Variants in VAV3 observed in about 807,000 individuals in gnomAD.
VAV3 encodes vav guanine nucleotide exchange factor 3, also known as guanine nucleotide exchange factor VAV3.
A neutral mutation model predicts 131.2 loss-of-function variants in VAV3; 94 were observed. That is an observed-to-expected ratio of 0.72 (90% CI 0.61 to 0.85). The LOEUF (loss-of-function observed/expected upper bound fraction) is 0.85, where lower values mean the gene tolerates loss of function less well. Among genes scored for constraint, VAV3 ranks in the 40% least tolerant of loss-of-function variants. VAV3 has a pLI of 0.00. For synonymous variants in VAV3, 349 were observed against 342.0 expected (o/e 1.02, Z -0.22); for missense variants, 939 against 1,002.7 (o/e 0.94, Z 0.86).
chr1:107,581,176 A>G (rs1650022473), intron 25 of VAV3, among the ~76,000 whole-genome samples: 1 of 152,194 alleles, frequency 6.6e-6, no homozygotes, highest in Admixed American at 6.5e-5. Context: ...TCAATAGGTA[A>G]TCATTTGCAA....
At chr1:107,849,922 A>G (rs1669142861) in intron 2 of VAV3, among the ~76,000 whole-genome samples, 1 of 152,246 alleles carries the variant, frequency 6.6e-6, no homozygotes. Context: ...GGATATGAAC[A>G]GACACTTCTC....
At chr1:107,613,729 A>T (rs1370445098) in intron 21 of VAV3, among the ~76,000 whole-genome samples, 2 of 152,142 alleles carry the variant, frequency 1.3e-5, no homozygotes, top group African/African-American at 4.8e-5. Flanking sequence ...TAATGATTTC[A>T]AATTGTGAGT....
At chr1:107,760,481 G>C (rs1411713233) in intron 10 of VAV3, among the ~76,000 whole-genome samples, 2 of 152,122 alleles carry the variant, frequency 1.3e-5, no homozygotes, top group Admixed American at 1.3e-4. Flanking sequence ...AATAAATACT[G>C]ATAACTACAG....
In VAV3 at chr1:107,632,566, G is replaced by A. The variant is rs113229550; in HGVS notation, c.1914+10053C>T. 8.8e-4 allele frequency among the ~76,000 whole-genome samples: 134 copies of A among 152,230 alleles called. 1 individual carries two copies. The highest frequency in any genetic ancestry group is 1.5e-3 in the Non-Finnish European group (99 of 68,024). On this transcript the variant is annotated intron_variant, in intron 20 of 26. Coordinates refer to ENST00000370056, the MANE Select transcript of VAV3 (RefSeq NM_006113.5). ...TGATTGGCTTAGAAGTATCCATAAC[G>A]CAATTCTGACCCAAGTTACATCTGT... is the stretch of plus-strand genomic sequence containing the variant.
chr1:107,596,398 A>G (rs1281685496), intron 24 of VAV3, 57 bp from the exon 25 acceptor site: 2 of 1,585,882 alleles, frequency 1.3e-6, no homozygotes, highest in Non-Finnish European at 1.7e-6. Context: ...TCTCAAACAC[A>G]TGAACTCCTG....
chr1:107,708,802 A>T (rs1230220196), intron 15 of VAV3, among the ~76,000 whole-genome samples: 1 of 152,046 alleles, frequency 6.6e-6, no homozygotes, highest in Non-Finnish European at 1.5e-5. Flanking sequence ...CACCCTCTAC[A>T]TGTACATTTT....
intron 2 of VAV3, among the ~76,000 whole-genome samples, chr1:107,803,255 A>C (rs1221290007): frequency 3.3e-5 from 5 of 151,828 alleles, no homozygotes; most frequent in Non-Finnish European, 7.4e-5. Context: ...AAGGTTTGTC[A>C]ATATTGTTTA....
intron 15 of VAV3, among the ~76,000 whole-genome samples, chr1:107,728,684 C>G (rs935543321): frequency 2.1e-5 from 3 of 144,630 alleles, no homozygotes; most frequent in African/African-American, 7.7e-5. Context: ...ATCAGCTCTA[C>G]AAAGGGAAAG....
intron 20 of VAV3, among the ~76,000 whole-genome samples, chr1:107,633,018 G>A (rs1475350751): frequency 6.6e-6 from 1 of 152,162 alleles, no homozygotes; most frequent in Admixed American, 6.6e-5. Flanking sequence ...ATAGGAGGCA[G>A]TAGTATTTAG....
At chr1:107,956,848 ATTTT>A (rs1674839542) in intron 1 of VAV3, among the ~76,000 whole-genome samples, 1 of 152,060 alleles carries the variant, frequency 6.6e-6, no homozygotes, top group African/African-American at 2.4e-5. Context: ...AACAAGTTGA[ATTTT>A]ACCAGGGTTT....
chr1:107,587,552 T>C (rs1238672909), intron 25 of VAV3, among the ~76,000 whole-genome samples: 4 of 152,170 alleles, frequency 2.6e-5, no homozygotes, highest in Non-Finnish European at 5.9e-5. Flanking sequence ...AGACCAGTTA[T>C]GTATGTATGT....
chr1:107,898,278 A>G (rs973093092), intron 1 of VAV3, among the ~76,000 whole-genome samples: 9 of 152,204 alleles, frequency 5.9e-5, no homozygotes, highest in African/African-American at 2.2e-4. Context: ...AGTTCCTCTT[A>G]TTTCTGCTCT....
At chr1:107,729,361 G>T (rs1662077888) in intron 15 of VAV3, among the ~76,000 whole-genome samples, 1 of 152,112 alleles carries the variant, frequency 6.6e-6, no homozygotes, top group South Asian at 2.1e-4. Flanking sequence ...TAATAGATGA[G>T]AGAATTGTGT....
At chr1:107,761,209 G>A (rs1432525639) in intron 9 of VAV3, among the ~76,000 whole-genome samples, 1 of 152,008 alleles carries the variant, frequency 6.6e-6, no homozygotes, top group Non-Finnish European at 1.5e-5. Context: ...CTAACATGGT[G>A]AAACCCCATC....
intron 17 of VAV3, among the ~76,000 whole-genome samples, chr1:107,698,269 AATTTTGAT>A (rs1659866807): frequency 6.6e-6 from 1 of 152,182 alleles, no homozygotes; most frequent in Non-Finnish European, 1.5e-5. Flanking sequence ...TTAATATTTG[AATTTTGAT>A]ATTTTCCCGG....
At chr1:107,658,410 C>T (rs999943650) in intron 19 of VAV3, among the ~76,000 whole-genome samples, 7 of 152,132 alleles carry the variant, frequency 4.6e-5, no homozygotes, top group Non-Finnish European at 8.8e-5. Context: ...AATAAACATA[C>T]GTGTGCATGT....
intron 25 of VAV3, among the ~76,000 whole-genome samples, chr1:107,587,617 G>A (rs760092987): frequency 7.0e-4 from 107 of 152,108 alleles, no homozygotes; most frequent in Non-Finnish European, 1.4e-3. Context: ...TTTATATTGA[G>A]TCTCCCTCTG....
In VAV3 at chr1:107,868,016, G is replaced by GA. The variant is rs371163574; in HGVS notation, c.321+6884dup. On this transcript the variant is annotated intron_variant, in intron 2 of 26. Transcript: ENST00000370056. ...ACTTGTGTGGGTAGTATGGGGTTGA[G>GA]AAGGGCTGAAAATACAAGGGCATTG... Among the ~76,000 whole-genome samples the GA allele has an allele frequency of 2.9e-3, 437 of 152,242 alleles. 3 individuals are homozygous for GA. Among genetic ancestry groups the GA allele is most frequent in the African/African-American group, 9.9e-3 (410 of 41,540 alleles).
At chr1:107,835,486 A>G (rs941461078) in intron 2 of VAV3, among the ~76,000 whole-genome samples, 3 of 152,172 alleles carry the variant, frequency 2.0e-5, no homozygotes. Context: ...CCAGTGTGAG[A>G]GCTGGGCATG....
Sources: allele counts gnomAD v4.1 joint callset (sites outside exome capture counted in the v4.1 genomes callset), GRCh38; gene constraint gnomAD v4.1.1; transcripts MANE v1.5; gene names NCBI Gene and HGNC (gene_info 2026-07-23, HGNC 2026-07-21).